The following RIF1 variants were observed in gnomAD, a reference collection of about 807,000 sequenced individuals.
RIF1 encodes the protein telomere-associated protein RIF1.
RIF1 carries 45 observed loss-of-function variants against 247.1 expected under a neutral mutation model. That is an observed-to-expected ratio of 0.18 (90% CI 0.14 to 0.23). The LOEUF (loss-of-function observed/expected upper bound fraction) is 0.23, where lower values mean the gene tolerates loss of function less well. RIF1 is among the 10% of genes least tolerant of loss of function. RIF1 has a pLI of 1.00. For synonymous variants in RIF1, 1,087 were observed against 978.8 expected (o/e 1.11, Z -2.06); for missense variants, 2,967 against 2,862.5 (o/e 1.04, Z -0.83).
At chr2:151,518,867 G>T in the RIF1 span, 32 of 739,114 alleles carry the variant, frequency 4.3e-5, no homozygotes, top group East Asian at 8.5e-4. Flanking sequence ...ATAAATCTAG[G>T]GTATCAGTAG....
chr2:151,521,425 C>T, the RIF1 span, among the ~76,000 whole-genome samples: 1 of 152,120 alleles, frequency 6.6e-6, no homozygotes, highest in African/African-American at 2.4e-5. Flanking sequence ...AAGTGGAAGG[C>T]CTGCTAAGGA....
intron 16 of RIF1, among the ~76,000 whole-genome samples, chr2:151,442,884 G>A (rs1184796588): frequency 1.4e-5 from 2 of 146,812 alleles, no homozygotes; most frequent in East Asian, 2.0e-4. Flanking sequence ...CCATTCTCCT[G>A]CCTCAGTCTC....
chr2:151,522,344 C>A, the RIF1 span, among the ~76,000 whole-genome samples: 1 of 152,096 alleles, frequency 6.6e-6, no homozygotes, highest in Non-Finnish European at 1.5e-5. Context: ...AAATACCAAT[C>A]TTCAGTATAT....
chr2:151,510,456 C>T (rs1421303416), downstream of RIF1, among the ~76,000 whole-genome samples: 1 of 152,194 alleles, frequency 6.6e-6, no homozygotes, highest in Non-Finnish European at 1.5e-5. Context: ...GAGACCTGGC[C>T]TGCCATACTG....
rs1414966918 is a variant in RIF1 at position 151,463,829 on chromosome 2, A to T, written c.4309A>T (p.Ser1437Cys). ...STTESQDKEN[S>C]HQKKERRKEE... ...CACTGAAAGCCAAGATAAGGAAAAT[A>T]GTCATCAAAAAAAGGAACGACGTAA... is the stretch of plus-strand genomic sequence containing the variant. Residue 1437 changes from serine to cysteine, a missense_variant, in exon 30 of 36, where the codon AGT becomes TGT. This residue lies in a region of RIF1 where 2,028 missense variants were observed against 1,825.6 expected (regional missense o/e 1.11). Transcript: ENST00000444746. 1 of 1,611,934 alleles carries T rather than the reference A, an allele frequency of 6.2e-7. No individual in the cohort carries two copies. Among genetic ancestry groups the T allele is most frequent in the East Asian group, 2.2e-5 (1 of 44,878 alleles).
chr2:151,446,647 T>A lies in RIF1; in HGVS notation c.2244+72T>A. ...TCTTTTCAAGTAAATGGAGATAATATTTGTGAACTGTCACCTATTACTGCC... is the reference window on the plus strand; with the variant it reads ...TCTTTTCAAGTAAATGGAGATAATAATTGTGAACTGTCACCTATTACTGCC... On this transcript the variant is annotated intron_variant, in intron 20 of 35. Transcript: ENST00000444746. 4.8e-6 allele frequency: 7 copies of A among 1,446,576 alleles called. No homozygotes were observed. The South Asian group carries it at 8.5e-5, about 17-fold the overall frequency. The allele number at this position is 1,446,576 out of a possible 1,614,324, so 89.6% of individuals were successfully genotyped here.
Position 151,466,086 on chromosome 2 carries a change from C to G in RIF1, c.6566C>G (p.Ser2189Cys), listed in dbSNP as rs761337042. The G allele has an allele frequency of 8.8e-6, 14 of 1,595,602 alleles. No homozygotes were observed. In the South Asian group the frequency reaches 1.6e-4, roughly 18 times the overall value. Residue 2189 changes from serine to cysteine, a missense_variant, in exon 30 of 36, where the codon TCC becomes TGC. Transcript: ENST00000444746. ...TSILKRGLKR[S>C]QEDEISSPVN... Reference sequence around the variant, plus strand: ...ATTTTAAAGAGAGGACTAAAAAGATCCCAAGAAGATGAAATCTCATCACCT... The same window carrying G: ...ATTTTAAAGAGAGGACTAAAAAGATGCCAAGAAGATGAAATCTCATCACCT...
At chr2:151,526,883 G>A in the RIF1 span, 6 of 1,401,318 alleles carry the variant, frequency 4.3e-6, no homozygotes, top group Non-Finnish European at 6.0e-6. Flanking sequence ...GGCCCTGAGT[G>A]AGGTTAGGCA....
At chr2:151,434,839 G>GGGGGTATATTTTA (rs1375290249) in intron 10 of RIF1, among the ~76,000 whole-genome samples, 1 of 151,934 alleles carries the variant, frequency 6.6e-6, no homozygotes, top group South Asian at 2.1e-4. Flanking sequence ...TTTTACTTCT[G>GGGGGTATATTTTA]GGGGTATATT....
chr2:151,413,269 G>A (rs1686607309), intron 3 of RIF1, among the ~76,000 whole-genome samples: 3 of 152,066 alleles, frequency 2.0e-5, no homozygotes, highest in South Asian at 4.2e-4. Flanking sequence ...CCGACCTCAG[G>A]TGATCCGCCC....
At chr2:151,483,813 C>G (rs758533528), downstream of RIF1, among the ~76,000 whole-genome samples, 2 of 152,192 alleles carry the variant, frequency 1.3e-5, no homozygotes, top group African/African-American at 2.4e-5. Flanking sequence ...GCTCACTGGC[C>G]GCAGTAAATT....
chr2:151,497,725 G>T lies in RIF1; in HGVS notation c.*514-1620G>T, dbSNP rs113048349. ...TGTTTTCTTTGTATAACACCTGTGCGATAAGAAAGCATCCAGAAAAACAAC... is the reference window on the plus strand; with the variant it reads ...TGTTTTCTTTGTATAACACCTGTGCTATAAGAAAGCATCCAGAAAAACAAC... On this transcript the variant is annotated intron_variant and NMD_transcript_variant, in intron 10 of 13. Coordinates refer to the RIF1 transcript ENST00000454583. 5.7e-5 allele frequency: 90 copies of T among 1,567,496 alleles called. No homozygotes were observed. The highest frequency in any genetic ancestry group is 8.1e-5 in the African/African-American group (6 of 73,878).
rs1697734381 is a variant in RIF1 at position 151,471,086 on chromosome 2, T to C, written c.7095+1222T>C. Among the ~76,000 whole-genome samples the C allele has an allele frequency of 1.3e-5, 2 of 152,162 alleles. 1 individual carries two copies. The highest frequency in any genetic ancestry group is 4.1e-4 in the South Asian group (2 of 4,830). The stretch of plus-strand genomic sequence containing the variant: ...ATTAGCTATCACTCCTCATTTCCAC[T>C]GTCCAGCCAATGCCTACTTTTCCTC... On this transcript the variant is annotated intron_variant, in intron 34 of 35. Transcript: ENST00000444746.
rs1696335206 is a variant in RIF1, at chr2:151,462,454, G to C, written c.3351G>C (p.Lys1117Asn). 6.4e-7 allele frequency: 1 copy of C among 1,563,660 alleles called. No homozygotes were observed. Residue 1117 changes from lysine (K) to asparagine (N), a missense_variant, in exon 29 of 36, where the codon AAG becomes AAC. Coordinates refer to ENST00000444746, the MANE Select transcript of RIF1 (RefSeq NM_018151.5). ...CCAGAAAACCAAAGGAGGATTCTAA[G>C]ATGATGATTACGGTATGTTTGACAT... ...TLTRKPKEDS[K>N]MMITEEQMDS...
At chr2:151,448,714 A>G (rs192172590) in intron 20 of RIF1, among the ~76,000 whole-genome samples, 1 of 152,232 alleles carries the variant, frequency 6.6e-6, no homozygotes, top group Non-Finnish European at 1.5e-5. Context: ...CTGTCTCGAA[A>G]TTGTTTATTT....
chr2:151,498,831 TTGGG>T (rs987050571), intron 10 of RIF1, among the ~76,000 whole-genome samples: 8 of 151,964 alleles, frequency 5.3e-5, no homozygotes, highest in African/African-American at 1.7e-4. Context: ...AATTTTTAGT[TTGGG>T]TGAACACATT....
the RIF1 span, chr2:151,524,168 C>T: frequency 8.8e-6 from 6 of 679,502 alleles, no homozygotes; most frequent in Admixed American, 2.7e-5. Flanking sequence ...GCCCTCAGTG[C>T]ACTTTTTATA....
intron 9 of RIF1, chr2:151,492,039 T>C: frequency 6.5e-7 from 1 of 1,537,434 alleles, no homozygotes; most frequent in Non-Finnish European, 9.0e-7. Flanking sequence ...TAATGCTACT[T>C]TTGTTCTTCT....
chr2:151,530,996 C>T, the RIF1 span: 4 of 1,605,564 alleles, frequency 2.5e-6, no homozygotes, highest in Admixed American at 1.7e-5. Context: ...GTACTTACAT[C>T]ACTGACTTCA....
Sources: allele counts gnomAD v4.1 joint callset (sites outside exome capture counted in the v4.1 genomes callset), GRCh38; gene constraint gnomAD v4.1.1; regional missense constraint gnomAD v4.1.1; transcripts MANE v1.5; gene names NCBI Gene and HGNC (gene_info 2026-07-23, HGNC 2026-07-21).